The following SLC12A5 variants were observed in gnomAD, a reference collection of about 807,000 sequenced individuals.
SLC12A5 encodes K-Cl cotransporter 2.
SLC12A5 carries 18 observed loss-of-function variants against 124.0 expected under a neutral mutation model. The ratio of observed to expected loss-of-function variants is 0.15; its 90% CI spans 0.10 to 0.22. The LOEUF (loss-of-function observed/expected upper bound fraction) is 0.22, where lower values mean the gene tolerates loss of function less well. Ranked by LOEUF, SLC12A5 falls within the 10% of genes least tolerant of loss-of-function variation. SLC12A5 has a pLI of 1.00. For synonymous variants in SLC12A5, 589 were observed against 568.0 expected (o/e 1.04, Z -0.53); for missense variants, 867 against 1,478.7 (o/e 0.59, Z 6.78).
At chr20:46,043,604 T>A in intron 9 of SLC12A5, 29 bp from the exon 10 acceptor site, 2 of 1,611,938 alleles carry the variant, frequency 1.2e-6, no homozygotes, top group Non-Finnish European at 1.7e-6. Context: ...GGCCCTGGCT[T>A]GAGTCCTAGC....
intron 7 of SLC12A5, 49 bp downstream of exon 7, chr20:46,040,663 GC>G (rs1555863221): frequency 6.3e-7 from 1 of 1,598,632 alleles, no homozygotes; most frequent in Non-Finnish European, 8.5e-7. Context: ...TACCTCCCTG[GC>G]CCTGTTTCAG....
Position 46,057,104 on chromosome 20 carries a change from G to T in SLC12A5, c.3126-66G>T. On this transcript the variant is annotated intron_variant, in intron 24 of 25. Coordinates refer to ENST00000243964, the MANE Select transcript of SLC12A5 (RefSeq NM_020708.5). The surrounding 1 kb of genome is among the most constrained non-coding windows in gnomAD (Gnocchi z 7.1). Reference sequence around the variant, plus strand: ...CAGCAGCCCAGTTCGGGCTGGAAGGGCGACTGGCTCCAATCTTCTCTACCC... The same window carrying T: ...CAGCAGCCCAGTTCGGGCTGGAAGGTCGACTGGCTCCAATCTTCTCTACCC... 6.2e-7 allele frequency: 1 copy of T among 1,606,838 alleles called. No individual in the cohort carries two copies. Among genetic ancestry groups the T allele is most frequent in the South Asian group, 1.1e-5 (1 of 90,758 alleles).
At position 46,056,962 on chromosome 20, in the gene SLC12A5, C is replaced by T. The variant is rs376673951; in HGVS notation, c.3125+51C>T. The T allele has an allele frequency of 2.5e-6, 4 of 1,613,276 alleles. No homozygotes were observed. The highest frequency in any genetic ancestry group is 2.7e-5 in the African/African-American group (2 of 74,894). On this transcript the variant is annotated intron_variant, in intron 24 of 25. Coordinates refer to ENST00000243964, the MANE Select transcript of SLC12A5 (RefSeq NM_020708.5). This position sits in a 1 kb window ranked among gnomAD's most constrained non-coding sequence, Gnocchi z 4.3. ...CTCTCTCCTAGGATGGCCAGGGTCCCTACCCTCCTCACTCTGTTGTGAACC... is the reference window on the plus strand; with the variant it reads ...CTCTCTCCTAGGATGGCCAGGGTCCTTACCCTCCTCACTCTGTTGTGAACC...
rs776082212 is a variant in SLC12A5, at chr20:46,048,132, T to A, written c.2012+47T>A. ...GTGCATAAGAGTGTGTGTGCATGAG[T>A]GCAAGGCTCAGGAGACAGGGGGAAG... On this transcript the variant is annotated intron_variant, in intron 16 of 25. Coordinates refer to ENST00000243964, the MANE Select transcript of SLC12A5 (RefSeq NM_020708.5). The A allele has an allele frequency of 5.3e-6, 8 of 1,521,758 alleles. No individual in the cohort carries two copies. The South Asian group carries it at 9.5e-5, about 18-fold the overall frequency. The allele number at this position is 1,521,758 out of a possible 1,614,324, so 94.3% of individuals were successfully genotyped here. A position where few individuals can be genotyped will look rare whatever the true frequency, so the allele number is the denominator to read the frequency against.
chr20:46,029,792 G>A (rs376507322), intron 1 of SLC12A5, among the ~76,000 whole-genome samples: 30 of 152,252 alleles, frequency 2.0e-4, no homozygotes, highest in African/African-American at 7.2e-4. Context: ...CCGTGGAGCC[G>A]GGGGGCGCAG....
At position 46,053,937 on chromosome 20, in the gene SLC12A5, A is replaced by T. The variant is rs1344045825; in HGVS notation, c.2679+228A>T. 1.3e-5 allele frequency among the ~76,000 whole-genome samples: 2 copies of T among 152,374 alleles called. No homozygotes were observed. The highest frequency in any genetic ancestry group is 3.4e-3 in the Middle Eastern group (1 of 294). ...ACTGTTCTATGCACTTTATATGTAC[A>T]TAAATTCCAACAACGACCAATGAGA... On this transcript the variant is annotated intron_variant, in intron 20 of 25. Transcript: ENST00000243964. This position sits in a 1 kb window ranked among gnomAD's most constrained non-coding sequence, Gnocchi z 4.7.
In SLC12A5 at chr20:46,057,454, G is replaced by C. The variant is rs1936181149; in HGVS notation, c.3260-60G>C. On this transcript the variant is annotated intron_variant, in intron 25 of 25. Transcript: ENST00000243964. This position sits in a 1 kb window ranked among gnomAD's most constrained non-coding sequence, Gnocchi z 7.1. ...GCGAGAGGTCCCCTGGCAGCCGAGC[G>C]CGACCCCAATTTCGTCGGGAGGGAA... 5 of 1,605,988 alleles carry C rather than the reference G, an allele frequency of 3.1e-6. No individual in the cohort carries two copies. The highest frequency in any genetic ancestry group is 4.3e-6 in the Non-Finnish European group (5 of 1,172,772).
At position 46,035,517 on chromosome 20, in the gene SLC12A5, A is replaced by G; in HGVS notation, c.261A>G (p.Gly87=). ...AAGAGGCAGAAAACAATGAGGGTGGAAAAAAGAAGCCGGTGCAGGTGAGGA... is the reference window on the plus strand; with the variant it reads ...AAGAGGCAGAAAACAATGAGGGTGGGAAAAAGAAGCCGGTGCAGGTGAGGA... ...EHEEAENNEG[G]KKKPVQAPRM... is the part of the protein sequence containing the mutation. The change falls in exon 3 of 26, where the codon GGA becomes GGG. Residue 87 remains glycine, a synonymous_variant. Coordinates refer to ENST00000243964, the MANE Select transcript of SLC12A5 (RefSeq NM_020708.5). The G allele has an allele frequency of 6.2e-7, 1 of 1,613,782 alleles. No homozygotes were observed. Among genetic ancestry groups the G allele is most frequent in the Non-Finnish European group, 8.5e-7 (1 of 1,179,870 alleles).
intron 11 of SLC12A5, 85 bp from the exon 12 acceptor site, chr20:46,044,881 G>C: frequency 6.7e-7 from 1 of 1,497,958 alleles, no homozygotes; most frequent in Non-Finnish European, 9.3e-7. Flanking sequence ...CAGGCACACA[G>C]TTGGTTCTGT....
intron 18 of SLC12A5, 125 bp from the exon 19 acceptor site, chr20:46,052,832 C>T (rs1282358329): frequency 9.5e-7 from 1 of 1,051,612 alleles, no homozygotes; most frequent in Non-Finnish European, 1.4e-6. Flanking sequence ...CCACTCAGCC[C>T]ATGGCCAAGG....
At chr20:46,033,990 C>A (rs952645777) in intron 1 of SLC12A5, among the ~76,000 whole-genome samples, 1 of 152,232 alleles carries the variant, frequency 6.6e-6, no homozygotes, top group African/African-American at 2.4e-5. Context: ...CTCCCCATTG[C>A]CCTCTGGATG....
intron 14 of SLC12A5, among the ~76,000 whole-genome samples, chr20:46,046,765 G>A (rs1351841864): frequency 6.6e-6 from 1 of 152,210 alleles, no homozygotes; most frequent in Non-Finnish European, 1.5e-5. Flanking sequence ...CTAGCTGTGA[G>A]ATCTTGGGCT....
At position 46,040,370 on chromosome 20, in the gene SLC12A5, C is replaced by T. The variant is rs2084534872; in HGVS notation, c.613-3C>T. On this transcript the variant is annotated splice_polypyrimidine_tract_variant and splice_region_variant and intron_variant, in intron 6 of 25. Coordinates refer to ENST00000243964, the MANE Select transcript of SLC12A5 (RefSeq NM_020708.5). ...ATCTGTTCTTCCTGCCCCTTTCCCA[C>T]AGGCTTACCTCTTCCCAGCCATGGC... The T allele has an allele frequency of 4.3e-6, 7 of 1,613,638 alleles. No homozygotes were observed. Among genetic ancestry groups the T allele is most frequent in the Non-Finnish European group, 5.1e-6 (6 of 1,179,980 alleles).
chr20:46,029,016 G>T, upstream of SLC12A5: 2 of 698,918 alleles, frequency 2.9e-6, no homozygotes, highest in Non-Finnish European at 3.8e-6. Context: ...CCCAGTTTTT[G>T]TGCAAGGGGG....
chr20:46,043,258 ATGTCTTC>A lies in SLC12A5; in HGVS notation c.1173_1179del (p.Tyr391Ter). 6.2e-7 allele frequency: 1 copy of A among 1,613,918 alleles called. No homozygotes were observed. Among genetic ancestry groups the A allele is most frequent in the Non-Finnish European group, 8.5e-7 (1 of 1,179,974 alleles). On this transcript the variant is annotated frameshift_variant, in exon 9 of 26. Transcript: ENST00000243964. LOFTEE classifies it high-confidence loss of function. ...ACTCCTATCGACATGGACCACCCTT[ATGTCTTC>A]AGTGATATGACCTCCTACTTCACCC...
At chr20:46,046,671 C>T (rs1600600095) in intron 14 of SLC12A5, among the ~76,000 whole-genome samples, 1 of 152,332 alleles carries the variant, frequency 6.6e-6, no homozygotes, top group East Asian at 1.9e-4. Flanking sequence ...AATCTCTCTC[C>T]TGTCCGTGAT....
intron 16 of SLC12A5, among the ~76,000 whole-genome samples, chr20:46,049,108 G>A (rs972206205): frequency 6.6e-6 from 1 of 152,144 alleles, no homozygotes; most frequent in Non-Finnish European, 1.5e-5. Context: ...AGAACCTGGG[G>A]CTCTATATTA....
At position 46,023,483 on chromosome 20, in the gene SLC12A5, G is replaced by T. The variant is rs569049565; in HGVS notation, c.*102G>T. 3.0e-5 allele frequency: 12 copies of T among 398,662 alleles called. 1 individual carries two copies. In the South Asian group the frequency reaches 1.4e-3, roughly 47 times the overall value. 24.7% of individuals were successfully genotyped at this position (398,662 alleles called of 1,614,324 possible). ...CCTGCTCCAAGCCTCACATGGCCACGACCACATCCTCTCCACTGGCCTCCC... is the reference window on the plus strand; with the variant it reads ...CCTGCTCCAAGCCTCACATGGCCACTACCACATCCTCTCCACTGGCCTCCC... On this transcript the variant is annotated 3_prime_UTR_variant, in exon 3 of 3. Coordinates refer to the SLC12A5 transcript ENST00000413737.
chr20:46,051,110 A>G (rs1005104359), intron 17 of SLC12A5, among the ~76,000 whole-genome samples: 5 of 152,184 alleles, frequency 3.3e-5, no homozygotes, highest in South Asian at 4.1e-4. Context: ...TCACAGTAAC[A>G]TTAGCTGTGT....
Sources: allele counts gnomAD v4.1 joint callset (sites outside exome capture counted in the v4.1 genomes callset), GRCh38; gene constraint gnomAD v4.1.1; non-coding constraint Gnocchi (gnomAD v3.1); transcripts MANE v1.5; gene names NCBI Gene and HGNC (gene_info 2026-07-23, HGNC 2026-07-21).